The following PHACTR1 variants were observed in gnomAD, a reference collection of about 807,000 sequenced individuals.
The protein encoded by PHACTR1 is RPEL repeat containing 1.
A neutral mutation model predicts 69.2 loss-of-function variants in PHACTR1; 16 were observed. The ratio of observed to expected loss-of-function variants is 0.23; its 90% CI spans 0.16 to 0.35. The LOEUF (loss-of-function observed/expected upper bound fraction) is 0.35. PHACTR1 is among the 10% of genes least tolerant of loss of function. The probability of loss-of-function intolerance (pLI) is 1.00; values close to 1 mark genes in which losing one functional copy is unlikely to be tolerated. For synonymous variants in PHACTR1, 312 were observed against 284.5 expected, an observed-to-expected ratio of 1.10 and a Z score of -0.97; for missense variants, 510 against 734.7, an observed-to-expected ratio of 0.69 and a Z score of 3.54.
chr6:12,813,504 A>G (rs1024926698), intron 4 of PHACTR1, among the ~76,000 whole-genome samples: 6 of 152,196 alleles, frequency 3.9e-5, no homozygotes, highest in African/African-American at 2.4e-5. Context: ...ACAGTCTAAC[A>G]GTTTAGAGAC....
At chr6:13,003,336 T>C (rs1343893073) in intron 4 of PHACTR1, among the ~76,000 whole-genome samples, 1 of 152,194 alleles carries the variant, frequency 6.6e-6, no homozygotes, top group African/African-American at 2.4e-5. Context: ...TTAATAATTC[T>C]GTTTTTTCAC....
intron 10 of PHACTR1, among the ~76,000 whole-genome samples, chr6:13,249,006 G>A (rs983536493): frequency 6.6e-6 from 1 of 152,194 alleles, no homozygotes; most frequent in Admixed American, 6.5e-5. Flanking sequence ...TAGGTCTTCC[G>A]TCCTCCCTTG....
At chr6:13,210,071 G>A (rs1766572782) in intron 8 of PHACTR1, among the ~76,000 whole-genome samples, 1 of 152,198 alleles carries the variant, frequency 6.6e-6, no homozygotes, top group Admixed American at 6.5e-5. Context: ...GCAGTGGCAT[G>A]ATCATGTCTC....
At chr6:12,917,826 A>G (rs1044434066) in intron 4 of PHACTR1, among the ~76,000 whole-genome samples, 2 of 152,170 alleles carry the variant, frequency 1.3e-5, no homozygotes, top group African/African-American at 2.4e-5. Context: ...ATCGCCCCTC[A>G]TGTCAATACT....
At chr6:12,885,965 G>A (rs1783593470) in intron 4 of PHACTR1, among the ~76,000 whole-genome samples, 1 of 152,110 alleles carries the variant, frequency 6.6e-6, no homozygotes, top group Non-Finnish European at 1.5e-5. Flanking sequence ...CCTGGTGGAT[G>A]GCACTTGTAA....
intron 4 of PHACTR1, among the ~76,000 whole-genome samples, chr6:12,885,576 C>A (rs1479692191): frequency 6.6e-6 from 1 of 152,212 alleles, no homozygotes; most frequent in African/African-American, 2.4e-5. Flanking sequence ...TCTCTCTGGC[C>A]GTCCCCTTAC....
chr6:13,278,399 C>A, intron 12 of PHACTR1, 70 bp downstream of exon 12: 1 of 1,454,502 alleles, frequency 6.9e-7, no homozygotes, highest in Non-Finnish European at 9.4e-7. Flanking sequence ...CTGCCCTCTG[C>A]TGGCCTCAGT....
intron 4 of PHACTR1, among the ~76,000 whole-genome samples, chr6:13,025,695 GTGTGTGTGTGTGTGTC>G (rs1238200155): frequency 2.0e-5 from 3 of 151,646 alleles, no homozygotes; most frequent in South Asian, 4.2e-4. Flanking sequence ...GTGTGTGTGT[GTGTGTGTGTGTGTGTC>G]TGTGTGTATG....
intron 5 of PHACTR1, among the ~76,000 whole-genome samples, chr6:13,142,923 G>C (rs1377848871): frequency 6.6e-6 from 1 of 152,034 alleles, no homozygotes; most frequent in Non-Finnish European, 1.5e-5. Flanking sequence ...TTTAGGCCCA[G>C]CTTCCTTCAT....
chr6:13,272,819 T>C (rs1358970251), intron 10 of PHACTR1, 41 bp from the exon 11 acceptor site: 1 of 1,614,070 alleles, frequency 6.2e-7, no homozygotes, highest in Admixed American at 1.7e-5. Flanking sequence ...CCAAGGAGGC[T>C]ATGATATGGT....
chr6:12,748,673 C>T (rs1766133926), intron 3 of PHACTR1, among the ~76,000 whole-genome samples: 1 of 152,120 alleles, frequency 6.6e-6, no homozygotes. Context: ...CCCTTGATCA[C>T]CTCTCCTGCA....
At chr6:13,273,817 A>G (rs1778265003) in intron 11 of PHACTR1, 1 of 152,138 alleles carries the variant, frequency 6.6e-6, no homozygotes, top group Non-Finnish European at 1.5e-5. Flanking sequence ...CACACTTCTA[A>G]TTTCTCTCCA....
At chr6:13,161,869 A>C (rs1277232361) in intron 6 of PHACTR1, among the ~76,000 whole-genome samples, 2 of 152,226 alleles carry the variant, frequency 1.3e-5, no homozygotes, top group African/African-American at 4.8e-5. Context: ...TAATGGAGGC[A>C]GAATGTGAAG....
At chr6:13,039,990 C>A (rs1242317700) in intron 4 of PHACTR1, among the ~76,000 whole-genome samples, 3 of 152,148 alleles carry the variant, frequency 2.0e-5, no homozygotes, top group Non-Finnish European at 4.4e-5. Flanking sequence ...TTTCTATTAT[C>A]TTTCATTATA....
intron 4 of PHACTR1, among the ~76,000 whole-genome samples, chr6:13,028,550 A>G (rs142705391): frequency 6.6e-6 from 1 of 152,306 alleles, no homozygotes; most frequent in Non-Finnish European, 1.5e-5. Flanking sequence ...TTGTGATTGC[A>G]ATGCCTGGAA....
intron 4 of PHACTR1, among the ~76,000 whole-genome samples, chr6:12,791,921 G>A (rs544618392): frequency 3.9e-5 from 6 of 152,230 alleles, no homozygotes; most frequent in African/African-American, 1.4e-4. Flanking sequence ...ATATGAGGTT[G>A]GTGTTAAGAG....
At chr6:13,207,621 G>A (rs556493786) in intron 8 of PHACTR1, among the ~76,000 whole-genome samples, 58 of 152,168 alleles carry the variant, frequency 3.8e-4, no homozygotes, top group African/African-American at 1.4e-3. Context: ...TTCAAACACC[G>A]CCACCTACCT....
rs185369383 is a variant in PHACTR1 at position 12,803,730 on chromosome 6, A to G, written c.250+53940A>G. Among the ~76,000 whole-genome samples, 10 of 152,324 alleles carry G rather than the reference A, an allele frequency of 6.6e-5. No homozygotes were observed. The East Asian group carries it at 1.5e-3, about 24-fold the overall frequency. On this transcript the variant is annotated intron_variant, in intron 4 of 14. Transcript: ENST00000332995. ...TTTGGGCGGGATAATTATTTGGTGA[A>G]GGAGTGGAGCTGCCTCGTGCCTTGC...
chr6:12,848,868 T>A (rs1214266302), intron 4 of PHACTR1, among the ~76,000 whole-genome samples: 2 of 152,092 alleles, frequency 1.3e-5, no homozygotes, highest in African/African-American at 4.8e-5. Context: ...GATTAATGGC[T>A]GACAGTCAAA....
Sources: gnomAD v4.1 joint callset for allele counts (sites outside exome capture counted in the v4.1 genomes callset) on GRCh38, gnomAD v4.1.1 for gene constraint, MANE v1.5 for transcripts, NCBI Gene and HGNC (gene_info 2026-07-23, HGNC 2026-07-21) for gene names.